Variants in TTC14 observed in about 807,000 individuals in gnomAD.
The protein encoded by TTC14 is tetratricopeptide repeat domain 14.
TTC14 carries 63 observed loss-of-function variants against 79.9 expected under a neutral mutation model. The observed-to-expected ratio is 0.79, with a 90% CI of 0.64 to 0.97. TTC14 has a LOEUF of 0.97. Among genes scored for constraint, TTC14 ranks in the 50% least tolerant of loss-of-function variants. TTC14 has a pLI of 0.00. For synonymous variants in TTC14, 335 were observed against 309.6 expected (o/e 1.08, Z -0.86); for missense variants, 895 against 894.0 (o/e 1.00, Z -0.01).
chr3:180,609,570 C>A (rs1375057660), intron 11 of TTC14, 60 bp from the exon 12 acceptor site: 1 of 1,432,208 alleles, frequency 7.0e-7, no homozygotes, highest in Non-Finnish European at 9.1e-7. Context: ...GGGCCCACAT[C>A]TTTATGAATA....
At chr3:180,604,639 C>A in intron 5 of TTC14, 32 bp downstream of exon 5, 1 of 1,581,732 alleles carries the variant, frequency 6.3e-7, no homozygotes, top group East Asian at 2.2e-5. Flanking sequence ...AACAACAGTT[C>A]ATTACAAAAG....
At chr3:180,612,042 A>G (rs1023274107), downstream of TTC14, among the ~76,000 whole-genome samples, 17 of 152,332 alleles carry the variant, frequency 1.1e-4, no homozygotes, top group African/African-American at 4.1e-4. Flanking sequence ...GAAATCGGCT[A>G]GTCACTCAAA....
In TTC14 at chr3:180,605,151, A is replaced by G. The variant is rs1716606209; in HGVS notation, c.857+144A>G. ...AAGGTTGAATGAACCAGGTGATCCC[A>G]TCTTCTGGACTGGACTGTCTTATCA... On this transcript the variant is annotated intron_variant, in intron 6 of 11. Transcript: ENST00000296015. The G allele has an allele frequency of 8.7e-6, 6 of 693,050 alleles. No individual in the cohort carries two copies. The South Asian group carries it at 1.5e-4, about 17-fold the overall frequency. The allele number at this position is 693,050 out of a possible 1,614,324, so 42.9% of individuals were successfully genotyped here.
chr3:180,615,474 A>G (rs1172497013), downstream of TTC14, among the ~76,000 whole-genome samples: 1 of 152,278 alleles, frequency 6.6e-6, no homozygotes, highest in East Asian at 1.9e-4. Context: ...AGAAGAGAGA[A>G]GCATATTGAT....
chr3:180,611,175 A>G (rs779110064), downstream of TTC14: 74 of 985,202 alleles, frequency 7.5e-5, 1 homozygote, highest in Non-Finnish European at 8.4e-5. Flanking sequence ...AGATCATAAA[A>G]GTTGAATAGG....
rs1392419117 is a variant in TTC14 at position 180,602,502 on chromosome 3, T to G, written c.161+80T>G. 3.4e-6 allele frequency: 5 copies of G among 1,479,210 alleles called. No homozygotes were observed. In the African/African-American group the frequency reaches 5.6e-5, roughly 17 times the overall value. The allele number at this position is 1,479,210 out of a possible 1,614,324, so 91.6% of individuals were successfully genotyped here. A position where few individuals can be genotyped will look rare whatever the true frequency, so the allele number is the denominator to read the frequency against. ...CCACTACCGCAGCCCCGGGTTTGCG[T>G]CTAGAGGAAGTGGAGCCGCGGCCGT... is the stretch of plus-strand genomic sequence containing the variant. On this transcript the variant is annotated intron_variant, in intron 1 of 11. Coordinates refer to ENST00000296015, the MANE Select transcript of TTC14 (RefSeq NM_133462.4).
rs376410832 is a variant in TTC14, at chr3:180,602,776, A to G, written c.162-115A>G. 1.3e-5 allele frequency: 16 copies of G among 1,245,128 alleles called. No homozygotes were observed. The African/African-American group carries it at 1.5e-4, about 12-fold the overall frequency. The allele number at this position is 1,245,128 out of a possible 1,614,324, so 77.1% of individuals were successfully genotyped here. ...GTTAAAACTTTTTGTCTGAGGTTGT[A>G]TTGTCTGCAGCTTAGGATGGAGCGG... On this transcript the variant is annotated intron_variant, in intron 1 of 11. Coordinates refer to ENST00000296015, the MANE Select transcript of TTC14 (RefSeq NM_133462.4).
rs1006407840 is a variant in TTC14, at chr3:180,609,649, AAATC to A, written c.1423_1426del (p.Ser475LeufsTer53). On this transcript the variant is annotated frameshift_variant, in exon 12 of 12. Transcript: ENST00000296015. LOFTEE classifies it high-confidence loss of function. The stretch of plus-strand genomic sequence containing the variant: ...TTTTAGGCTAAAGAAGAAAAGAAGA[AAATC>A]AACTTCTTCTTCAAGTGTTTCTTCT... 1.1e-5 allele frequency: 17 copies of A among 1,564,282 alleles called. No homozygotes were observed. The highest frequency in any genetic ancestry group is 1.4e-5 in the Non-Finnish European group (16 of 1,161,914).
downstream of TTC14, among the ~76,000 whole-genome samples, chr3:180,615,965 G>T (rs1483384007): frequency 1.3e-5 from 2 of 152,124 alleles, no homozygotes; most frequent in South Asian, 2.1e-4. Flanking sequence ...CCAACTTGGG[G>T]GTTCACCCCC....
chr3:180,612,028 G>A (rs766170650), downstream of TTC14, among the ~76,000 whole-genome samples: 16 of 152,170 alleles, frequency 1.1e-4, no homozygotes, highest in Non-Finnish European at 2.2e-4. Flanking sequence ...AGATAATGGT[G>A]ATAGAAATCG....
intron 7 of TTC14, 185 bp from the exon 8 acceptor site, chr3:180,606,068 T>G: frequency 1.1e-6 from 1 of 882,750 alleles, no homozygotes; most frequent in Non-Finnish European, 1.7e-6. Flanking sequence ...ATATCTAGGT[T>G]TCACCAATAT....
chr3:180,613,321 T>G (rs1028204459), downstream of TTC14, among the ~76,000 whole-genome samples: 3 of 152,192 alleles, frequency 2.0e-5, no homozygotes, highest in Non-Finnish European at 4.4e-5. Flanking sequence ...TGAGGATAAG[T>G]GTCCAGATTT....
Position 180,609,621 on chromosome 3 carries a change from T to G in TTC14, c.1401-9T>G. 2 of 1,535,382 alleles carry G rather than the reference T, an allele frequency of 1.3e-6. No individual in the cohort carries two copies. Among genetic ancestry groups the G allele is most frequent in the Non-Finnish European group, 1.7e-6 (2 of 1,148,082 alleles). ...TGTATATATATGACAAATGAACTGT[T>G]TTTTTTAGGCTAAAGAAGAAAAGAA... On this transcript the variant is annotated splice_polypyrimidine_tract_variant and intron_variant, in intron 11 of 11. Transcript: ENST00000296015.
chr3:180,617,998 A>G (rs898242596), downstream of TTC14, among the ~76,000 whole-genome samples: 2 of 151,990 alleles, frequency 1.3e-5, no homozygotes, highest in Admixed American at 6.6e-5. Flanking sequence ...AATCCATTAT[A>G]CCATATTTTT....
chr3:180,609,815 A>G lies in TTC14; in HGVS notation c.1586A>G (p.Asp529Gly). ...TCTAGGGCATCCTCAAATCAGATAG[A>G]TCAGAATAGGAAAGATGAGTGCTAC... ...HSSRASSNQI[D>G]QNRKDECYPV... The change falls in exon 12 of 12, where the codon GAT (aspartate) becomes GGT (glycine). Residue 529 changes from aspartate (D) to glycine (G), a missense_variant. Physicochemically the swap from Asp to Gly is moderately conservative, Grantham distance 94. Coordinates refer to ENST00000296015, the MANE Select transcript of TTC14 (RefSeq NM_133462.4). 1 of 1,613,770 alleles carries G rather than the reference A, an allele frequency of 6.2e-7. No homozygotes were observed. Among genetic ancestry groups the G allele is most frequent in the Non-Finnish European group, 8.5e-7 (1 of 1,179,896 alleles).
At chr3:180,607,430 A>G (rs544776723) in intron 9 of TTC14, among the ~76,000 whole-genome samples, 1 of 152,144 alleles carries the variant, frequency 6.6e-6, no homozygotes, top group Non-Finnish European at 1.5e-5. Context: ...AAATGTGCCA[A>G]TATTGGACAT....
intron 1 of TTC14, 142 bp downstream of exon 1, chr3:180,602,564 G>T: frequency 8.6e-7 from 1 of 1,161,888 alleles, no homozygotes; most frequent in Non-Finnish European, 1.2e-6. Context: ...TCTTGGGCTG[G>T]GTGGACGGGG....
chr3:180,613,645 C>G (rs1159725413), downstream of TTC14, among the ~76,000 whole-genome samples: 1 of 152,224 alleles, frequency 6.6e-6, no homozygotes, highest in East Asian at 1.9e-4. Flanking sequence ...GATACAACCT[C>G]TACCTTCATA....
At chr3:180,618,323 A>G (rs375115755), downstream of TTC14, among the ~76,000 whole-genome samples, 8 of 152,300 alleles carry the variant, frequency 5.3e-5, no homozygotes, top group East Asian at 1.3e-3. Context: ...AACAATGACA[A>G]TTGAAATCAT....
Sources: allele counts gnomAD v4.1 joint callset (sites outside exome capture counted in the v4.1 genomes callset), GRCh38; gene constraint gnomAD v4.1.1; transcripts MANE v1.5; gene names NCBI Gene and HGNC (gene_info 2026-07-23, HGNC 2026-07-21).